The following ZNF277 variants were observed in gnomAD, a reference collection of about 807,000 sequenced individuals.
ZNF277 encodes nuclear receptor-interacting factor 4.
A neutral mutation model predicts 60.7 loss-of-function variants in ZNF277; 55 were observed. The observed-to-expected ratio is 0.91, with a 90% CI of 0.73 to 1.13. ZNF277 has a LOEUF of 1.13. Among genes scored for constraint, ZNF277 ranks in the 50% most tolerant of loss-of-function variants. ZNF277 has a pLI of 0.00. For missense variants in ZNF277, 510 were observed against 523.0 expected (o/e 0.98, Z 0.24); for synonymous variants, 178 against 179.3 (o/e 0.99, Z 0.06).
chr7:112,248,530 A>G (rs1791134259), intron 1 of ZNF277, among the ~76,000 whole-genome samples: 1 of 152,080 alleles, frequency 6.6e-6, no homozygotes, highest in Non-Finnish European at 1.5e-5. Context: ...ACATCAATAA[A>G]TGAAATTATG....
At chr7:112,262,620 C>T (rs1370301809) in intron 1 of ZNF277, among the ~76,000 whole-genome samples, 1 of 151,968 alleles carries the variant, frequency 6.6e-6, no homozygotes, top group Non-Finnish European at 1.5e-5. Flanking sequence ...GCATTGCCCT[C>T]AGAATATTTT....
At chr7:112,256,050 T>A (rs1791299669) in intron 1 of ZNF277, among the ~76,000 whole-genome samples, 2 of 152,194 alleles carry the variant, frequency 1.3e-5, no homozygotes, top group Admixed American at 1.3e-4. Context: ...CTAGAATCTA[T>A]GTCTTCATCT....
At chr7:112,268,700 G>T (rs888068153) in intron 1 of ZNF277, among the ~76,000 whole-genome samples, 1 of 152,080 alleles carries the variant, frequency 6.6e-6, no homozygotes, top group Admixed American at 6.6e-5. Context: ...CTTCAGATCA[G>T]AGTAAAATGT....
intron 5 of ZNF277, among the ~76,000 whole-genome samples, chr7:112,326,919 T>C (rs142562192): frequency 4.6e-5 from 7 of 152,342 alleles, no homozygotes; most frequent in South Asian, 2.1e-4. Context: ...GCTTTTTTGC[T>C]ATGTAAAAGT....
At chr7:112,239,230 G>C (rs1034630929) in intron 1 of ZNF277, among the ~76,000 whole-genome samples, 2 of 152,162 alleles carry the variant, frequency 1.3e-5, no homozygotes, top group Admixed American at 1.3e-4. Flanking sequence ...GGAAAAGAAA[G>C]CACCAGTAGA....
At chr7:112,336,359 A>T (rs1793334775) in intron 8 of ZNF277, among the ~76,000 whole-genome samples, 188 bp downstream of exon 8, 1 of 152,194 alleles carries the variant, frequency 6.6e-6, no homozygotes, top group African/African-American at 2.4e-5. Flanking sequence ...ATTCCTAAAG[A>T]CACTGTTATT....
chr7:112,330,548 C>CTTCTTTTTTTTTTT (rs1793204568), intron 7 of ZNF277: 1 of 108,056 alleles, frequency 9.3e-6, no homozygotes, highest in African/African-American at 3.6e-5. Context: ...AGACTCCTTT[C>CTTCTTTTTTTTTTT]TTTTTTTTTT....
At chr7:112,224,234 G>A (rs1220276835) in intron 1 of ZNF277, among the ~76,000 whole-genome samples, 1 of 152,226 alleles carries the variant, frequency 6.6e-6, no homozygotes, top group Non-Finnish European at 1.5e-5. Context: ...GGCCACATTG[G>A]AAGAAGAATT....
At chr7:112,267,997 C>A (rs1791587912) in intron 1 of ZNF277, among the ~76,000 whole-genome samples, 1 of 152,122 alleles carries the variant, frequency 6.6e-6, no homozygotes, top group African/African-American at 2.4e-5. Context: ...TCATATCAAT[C>A]TGAATGATTT....
chr7:112,245,419 G>A (rs1408498935), intron 1 of ZNF277, among the ~76,000 whole-genome samples: 1 of 152,150 alleles, frequency 6.6e-6, no homozygotes, highest in African/African-American at 2.4e-5. Context: ...CTAGGCCATT[G>A]CAAGGGAGAA....
chr7:112,231,025 C>A (rs1231488020), intron 1 of ZNF277, among the ~76,000 whole-genome samples: 1 of 151,976 alleles, frequency 6.6e-6, no homozygotes, highest in Non-Finnish European at 1.5e-5. Context: ...CCAGCCTGGT[C>A]AACATAGTGA....
intron 1 of ZNF277, among the ~76,000 whole-genome samples, chr7:112,278,377 G>A (rs146041334): frequency 1.3e-5 from 2 of 152,300 alleles, no homozygotes; most frequent in East Asian, 1.9e-4. Context: ...GGGCCCTAGA[G>A]TGTTTATTTT....
At chr7:112,259,977 A>G (rs1257817673) in intron 1 of ZNF277, among the ~76,000 whole-genome samples, 1 of 152,246 alleles carries the variant, frequency 6.6e-6, no homozygotes, top group Non-Finnish European at 1.5e-5. Flanking sequence ...ATATAAGTAT[A>G]AAAGCTACAG....
At chr7:112,258,007 C>G (rs1350569938) in intron 1 of ZNF277, among the ~76,000 whole-genome samples, 1 of 151,936 alleles carries the variant, frequency 6.6e-6, no homozygotes, top group African/African-American at 2.4e-5. Flanking sequence ...GAGACAGGAT[C>G]TTGCTATGTT....
chr7:112,324,105 A>C (rs1051067809), intron 5 of ZNF277, among the ~76,000 whole-genome samples: 3 of 152,220 alleles, frequency 2.0e-5, no homozygotes, highest in Non-Finnish European at 4.4e-5. Context: ...CTTGATTTAC[A>C]GTGGGGTTAC....
At chr7:112,209,364 G>A (rs1476562612) in intron 1 of ZNF277, among the ~76,000 whole-genome samples, 1 of 152,160 alleles carries the variant, frequency 6.6e-6, no homozygotes, top group Non-Finnish European at 1.5e-5. Flanking sequence ...TAGTATATGA[G>A]TGTTCTTTCC....
At chr7:112,285,814 AAAG>A (rs1296500451) in intron 1 of ZNF277, among the ~76,000 whole-genome samples, 1 of 152,198 alleles carries the variant, frequency 6.6e-6, no homozygotes, top group Non-Finnish European at 1.5e-5. Context: ...AAAAGAAGAT[AAAG>A]TAAGGGAAAA....
In ZNF277 at chr7:112,282,016, A is replaced by T. The variant is rs147079145; in HGVS notation, c.92-4857A>T. On this transcript the variant is annotated intron_variant, in intron 1 of 11. Transcript: ENST00000361822. ...CCCTGCTAATTTTTGTATTTTCAGTAGAGACGGGGTTTCACCGTGTTGGCC... is the reference window on the plus strand; with the variant it reads ...CCCTGCTAATTTTTGTATTTTCAGTTGAGACGGGGTTTCACCGTGTTGGCC... Among the ~76,000 whole-genome samples, 150 of 152,204 alleles carry T rather than the reference A, an allele frequency of 9.9e-4. 5 individuals carry two copies. The East Asian group carries it at 0.024, about 25-fold the overall frequency.
At chr7:112,239,148 C>T (rs996006568) in intron 1 of ZNF277, among the ~76,000 whole-genome samples, 4 of 152,088 alleles carry the variant, frequency 2.6e-5, no homozygotes, top group African/African-American at 9.7e-5. Flanking sequence ...CAGAGAAAGA[C>T]TCCTTCTTGA....
Sources: gnomAD v4.1 joint callset for allele counts (sites outside exome capture counted in the v4.1 genomes callset) on GRCh38, gnomAD v4.1.1 for gene constraint, MANE v1.5 for transcripts, NCBI Gene and HGNC (gene_info 2026-07-23, HGNC 2026-07-21) for gene names.